Variants in ATF7IP2 observed in about 807,000 individuals in gnomAD.
ATF7IP2 encodes the protein activating transcription factor 7 interacting protein 2.
ATF7IP2 carries 42 observed loss-of-function variants against 64.2 expected under a neutral mutation model. The ratio of observed to expected loss-of-function variants is 0.65; its 90% confidence interval spans 0.51 to 0.85. The LOEUF is 0.85. Among genes scored for constraint, ATF7IP2 ranks in the 40% least tolerant of loss-of-function variants. The pLI is 0.00. For synonymous variants in ATF7IP2, 308 were observed against 272.8 expected (o/e 1.13, Z -1.27); for missense variants, 933 against 784.2 (o/e 1.19, Z -2.27).
intron 6 of ATF7IP2, among the ~76,000 whole-genome samples, chr16:10,435,631 ATC>A (rs1458298853): frequency 6.6e-6 from 1 of 152,240 alleles, no homozygotes; most frequent in Non-Finnish European, 1.5e-5. Context: ...GTCAAAAATG[ATC>A]AAATTTAAGG....
At chr16:10,470,794 T>G (rs1236327358) in intron 9 of ATF7IP2, among the ~76,000 whole-genome samples, 4 of 145,956 alleles carry the variant, frequency 2.7e-5, no homozygotes, top group Non-Finnish European at 5.9e-5. Context: ...TAAAAATATA[T>G]ATATATGTAT....
intron 1 of ATF7IP2, among the ~76,000 whole-genome samples, chr16:10,396,860 T>C (rs528286241): frequency 1.4e-4 from 22 of 151,934 alleles, no homozygotes; most frequent in African/African-American, 5.3e-4. Flanking sequence ...AGTGACAAGA[T>C]TTCCTTGTAT....
At chr16:10,431,603 C>T in intron 5 of ATF7IP2, 148 bp downstream of exon 5, 1 of 564,884 alleles carries the variant, frequency 1.8e-6, no homozygotes, top group Non-Finnish European at 3.0e-6. Flanking sequence ...CTGAACCATT[C>T]TTAGTGAGGT....
chr16:10,387,338 G>C (rs1158499013), intron 1 of ATF7IP2: 1 of 152,208 alleles, frequency 6.6e-6, no homozygotes, highest in Admixed American at 6.5e-5. Flanking sequence ...GTTTGTAGAA[G>C]TGTTGACTCC....
Position 10,431,112 on chromosome 16 carries a change from A to G in ATF7IP2, c.492A>G (p.Leu164=), listed in dbSNP as rs2048232358. The stretch of plus-strand genomic sequence containing the variant: ...TTGAGCATGAGGGGGCTTGTAGTCT[A>G]AAGTCCAGTTGCTGTCCACCCAGTG... ...SLFEHEGACS[L]KSSCCPPSVL... Residue 164 remains leucine, a synonymous_variant, in exon 5 of 14, where the codon CTA becomes CTG. Transcript: ENST00000562102. 1.2e-6 allele frequency: 2 copies of G among 1,614,074 alleles called. No individual in the cohort carries two copies. The highest frequency in any genetic ancestry group is 1.7e-6 in the Non-Finnish European group (2 of 1,180,032).
intron 12 of ATF7IP2, among the ~76,000 whole-genome samples, chr16:10,474,254 C>T (rs1396706874): frequency 1.3e-5 from 2 of 152,180 alleles, no homozygotes; most frequent in East Asian, 3.8e-4. Context: ...TGTTATTTCA[C>T]AAATTTACAT....
At chr16:10,401,786 C>T (rs751880417) in intron 1 of ATF7IP2, among the ~76,000 whole-genome samples, 1 of 147,028 alleles carries the variant, frequency 6.8e-6, no homozygotes, top group South Asian at 2.3e-4. Context: ...GATTCAGTCT[C>T]ACTAATTATT....
intron 3 of ATF7IP2, among the ~76,000 whole-genome samples, chr16:10,420,802 A>G (rs569930706): frequency 2.1e-4 from 32 of 152,356 alleles, no homozygotes; most frequent in African/African-American, 7.5e-4. Flanking sequence ...GAAGGCAGTC[A>G]ATACCTCAAT....
In ATF7IP2 at chr16:10,431,470, A is replaced by ACTG; in HGVS notation, c.835+15_835+16insCTG. On this transcript the variant is annotated intron_variant, in intron 5 of 13. Transcript: ENST00000562102. ...TAATAACAACAGTAAGTATATACTT[A>ACTG]TGCACCTTTTAGAAAAATTAAAATA... 6.7e-7 allele frequency: 1 copy of ACTG among 1,495,758 alleles called. No individual in the cohort carries two copies. Among genetic ancestry groups the ACTG allele is most frequent in the Non-Finnish European group, 9.0e-7 (1 of 1,105,990 alleles). 92.7% of individuals were successfully genotyped at this position (1,495,758 alleles called of 1,614,324 possible). A position where few individuals can be genotyped will look rare whatever the true frequency, so the allele number is the denominator to read the frequency against.
In ATF7IP2 at chr16:10,386,077, C is replaced by T. The variant is rs1038326212; in HGVS notation, c.-287C>T. The T allele has an allele frequency of 1.3e-5, 2 of 152,666 alleles. No homozygotes were observed. Among genetic ancestry groups the T allele is most frequent in the African/African-American group, 4.8e-5 (2 of 41,482 alleles). 9.5% of individuals were successfully genotyped at this position (152,666 alleles called of 1,614,324 possible). A position where few individuals can be genotyped will look rare whatever the true frequency, so the allele number is the denominator to read the frequency against. ...ACCAGCATTGTTAACGGCTGCGGTT[C>T]GAAGTGGCTGTGGGTATTGCTGCGG... is the stretch of plus-strand genomic sequence containing the variant. On this transcript the variant is annotated 5_prime_UTR_variant, in exon 1 of 14. Transcript: ENST00000562102.
chr16:10,414,668 C>CGGGGGG (rs58502960), intron 2 of ATF7IP2, 56 bp downstream of exon 2: 19 of 76,368 alleles, frequency 2.5e-4, no homozygotes, highest in African/African-American at 7.4e-4. Context: ...TGTGTTTGGG[C>CGGGGGG]GGGGGGGTGG....
chr16:10,467,500 C>T (rs911567810), intron 9 of ATF7IP2, among the ~76,000 whole-genome samples: 1 of 151,804 alleles, frequency 6.6e-6, no homozygotes, highest in African/African-American at 2.4e-5. Context: ...TTTATGACTA[C>T]TATTACTAGA....
At chr16:10,409,048 A>G (rs1409666786) in intron 1 of ATF7IP2, among the ~76,000 whole-genome samples, 1 of 152,244 alleles carries the variant, frequency 6.6e-6, no homozygotes, top group Non-Finnish European at 1.5e-5. Flanking sequence ...ACAAGAGCAC[A>G]CTGAACAAAG....
intron 1 of ATF7IP2, among the ~76,000 whole-genome samples, chr16:10,407,421 G>A (rs1489162946): frequency 6.6e-6 from 1 of 152,032 alleles, no homozygotes; most frequent in Non-Finnish European, 1.5e-5. Flanking sequence ...ATGCAAATTG[G>A]GAAGGAAGAA....
intron 1 of ATF7IP2, among the ~76,000 whole-genome samples, chr16:10,395,699 T>C (rs1315398998): frequency 1.3e-5 from 2 of 152,300 alleles, no homozygotes; most frequent in Admixed American, 6.5e-5. Context: ...TTTTAAGAGA[T>C]AGTGAAAAGC....
chr16:10,446,840 T>G (rs2048821988), intron 8 of ATF7IP2: 1 of 152,188 alleles, frequency 6.6e-6, no homozygotes, highest in South Asian at 2.1e-4. Context: ...TATTGGAAGT[T>G]TCTTGCCTTC....
intron 9 of ATF7IP2, among the ~76,000 whole-genome samples, chr16:10,470,644 G>T (rs1411351472): frequency 6.6e-6 from 1 of 151,832 alleles, no homozygotes; most frequent in Non-Finnish European, 1.5e-5. Context: ...AGTTAGCCAG[G>T]CCTGGTGACA....
At chr16:10,392,751 G>C (rs947356462) in intron 1 of ATF7IP2, among the ~76,000 whole-genome samples, 3 of 151,968 alleles carry the variant, frequency 2.0e-5, no homozygotes, top group African/African-American at 7.3e-5. Flanking sequence ...CACTTTGGGA[G>C]GCCAATGCAG....
At chr16:10,460,546 A>G (rs367805637) in intron 9 of ATF7IP2, among the ~76,000 whole-genome samples, 3 of 152,148 alleles carry the variant, frequency 2.0e-5, no homozygotes, top group Non-Finnish European at 2.9e-5. Flanking sequence ...GAGTCCGGAA[A>G]CCCATGTATG....
Sources: gnomAD v4.1 joint callset for allele counts (sites outside exome capture counted in the v4.1 genomes callset) on GRCh38, gnomAD v4.1.1 for gene constraint, MANE v1.5 for transcripts, NCBI Gene and HGNC (gene_info 2026-07-23, HGNC 2026-07-21) for gene names.